The following PRDM15 variants were observed in gnomAD, a reference collection of about 807,000 sequenced individuals.
The protein encoded by PRDM15 is PR domain zinc finger protein 15.
In PRDM15, 64 loss-of-function variants were observed where a neutral mutation model predicts 128.6. The ratio of observed to expected loss-of-function variants is 0.50; its 90% confidence interval spans 0.41 to 0.61. The LOEUF is 0.61. Among genes scored for constraint, PRDM15 ranks in the 20% least tolerant of loss-of-function variants. PRDM15 has a pLI of 0.00. For missense variants in PRDM15, 1,242 were observed against 1,569.1 expected, an observed-to-expected ratio of 0.79 and a Z score of 3.52; for synonymous variants, 615 against 621.8, an observed-to-expected ratio of 0.99 and a Z score of 0.16.
At chr21:41,864,033 G>A (rs1007926957) in intron 1 of PRDM15, among the ~76,000 whole-genome samples, 2 of 152,106 alleles carry the variant, frequency 1.3e-5, no homozygotes, top group Non-Finnish European at 2.9e-5. Context: ...TAGCAGAGAC[G>A]GGGTTTCACC....
chr21:41,815,904 G>A, intron 18 of PRDM15, 68 bp from the exon 19 acceptor site: 3 of 1,591,138 alleles, frequency 1.9e-6, no homozygotes, highest in East Asian at 4.5e-5. Context: ...CCATGCCCGA[G>A]ACCCTGGGGC....
rs143393748 is a variant in PRDM15 at position 41,878,737 on chromosome 21, C to A, written c.-10+533G>T. 5 of 1,557,368 alleles carry A rather than the reference C, an allele frequency of 3.2e-6. No individual in the cohort carries two copies. The South Asian group carries it at 4.5e-5, about 14-fold the overall frequency. On this transcript the variant is annotated intron_variant, in intron 1 of 23. Coordinates refer to ENST00000398548, the MANE Select transcript of PRDM15 (RefSeq NM_001040424.3). ...AAACGCGGGGTTGGGGGTCCAGGGA[C>A]CCCCCCGTGCGACCCGCATGGGCTG...
chr21:41,804,566 T>C lies in PRDM15; in HGVS notation c.2701A>G (p.Thr901Ala). Reference sequence around the variant, plus strand: ...ATGCCAATGGAGGAGGCGTCGATGGTGGTGGTCTCCGGGAGGTGGTCCAGG... The same window carrying C: ...ATGCCAATGGAGGAGGCGTCGATGGCGGTGGTCTCCGGGAGGTGGTCCAGG... ...DDLDHLPETT[T>A]IDASSIGIVQ... The change falls in exon 22 of 24, where the codon ACC (threonine) becomes GCC (alanine). Residue 901 changes from threonine (T) to alanine (A), a missense_variant. By Grantham distance (58) the Thr-to-Ala change is moderately conservative. Coordinates refer to ENST00000398548, the MANE Select transcript of PRDM15 (RefSeq NM_001040424.3). The C allele has an allele frequency of 6.4e-7, 1 of 1,571,932 alleles. No homozygotes were observed. The highest frequency in any genetic ancestry group is 1.9e-5 in the Admixed American group (1 of 53,070).
chr21:41,839,584 G>T, intron 7 of PRDM15, 39 bp downstream of exon 7: 1 of 1,576,990 alleles, frequency 6.3e-7, no homozygotes, highest in African/African-American at 1.3e-5. Flanking sequence ...GGAGGGCTGC[G>T]CCCCACGCAG....
intron 16 of PRDM15, 127 bp from the exon 17 acceptor site, chr21:41,820,301 C>G: frequency 2.8e-6 from 2 of 710,186 alleles, no homozygotes; most frequent in East Asian, 5.4e-5. Flanking sequence ...ATAAAAGAAG[C>G]AGATATTTGA....
intron 5 of PRDM15, among the ~76,000 whole-genome samples, chr21:41,853,703 GA>G (rs1200596109): frequency 2.6e-5 from 4 of 152,196 alleles, no homozygotes; most frequent in African/African-American, 9.7e-5. Flanking sequence ...TTTTCAGCAG[GA>G]ATGCTAGATT....
At position 41,800,204 on chromosome 21, in the gene PRDM15, CA is replaced by C. The variant is rs2061383811; in HGVS notation, c.*1035del. On this transcript the variant is annotated 3_prime_UTR_variant, in exon 24 of 24. Transcript: ENST00000398548. ...CCAACCTTTGGAATTGAAGTTTAAACAGAAGGAAAATATGACTTTTCCCCCG... is the reference window on the plus strand; with the variant it reads ...CCAACCTTTGGAATTGAAGTTTAAACGAAGGAAAATATGACTTTTCCCCCG... The C allele has an allele frequency of 6.6e-6, 1 of 152,184 alleles. No homozygotes were observed. Among genetic ancestry groups the C allele is most frequent in the South Asian group, 2.1e-4 (1 of 4,836 alleles). 9.4% of individuals were successfully genotyped at this position (152,184 alleles called of 1,614,324 possible).
intron 6 of PRDM15, among the ~76,000 whole-genome samples, chr21:41,845,825 G>A (rs2063247590): frequency 6.6e-6 from 1 of 152,056 alleles, no homozygotes; most frequent in Non-Finnish European, 1.5e-5. Context: ...AAACACAAAT[G>A]AGCAGCAACG....
rs772131385 is a variant in PRDM15, at chr21:41,817,164, A to C, written c.2261-1328T>G. Among the ~76,000 whole-genome samples, 21 of 152,340 alleles carry C rather than the reference A, an allele frequency of 1.4e-4. No homozygotes were observed. The South Asian group carries it at 1.5e-3, about 11-fold the overall frequency. On this transcript the variant is annotated intron_variant, in intron 18 of 23. Transcript: ENST00000398548. ...AACTGCCAGACAGAGGAAATTTTAA[A>C]GCTTGCTCTACTGGGATTGTGAGTC... is the stretch of plus-strand genomic sequence containing the variant.
intron 21 of PRDM15, among the ~76,000 whole-genome samples, chr21:41,806,674 T>C (rs1362049228): frequency 1.8e-4 from 3 of 16,324 alleles, no homozygotes; most frequent in African/African-American, 3.1e-4. Flanking sequence ...ACCATCACCA[T>C]CACCACCACC....
chr21:41,863,847 A>ATTT (rs569051799), intron 1 of PRDM15, among the ~76,000 whole-genome samples: 1 of 145,366 alleles, frequency 6.9e-6, no homozygotes, highest in African/African-American at 2.5e-5. Flanking sequence ...TGCCCAAAGC[A>ATTT]TTTTTTTTTT....
chr21:41,874,525 A>ATATTTTTTTTTTTTT, intron 1 of PRDM15, among the ~76,000 whole-genome samples: 2 of 95,814 alleles, frequency 2.1e-5, no homozygotes, highest in Admixed American at 1.2e-4. Flanking sequence ...ATATATATAT[A>ATATTTTTTTTTTTTT]TTTTTTTTTT....
rs568043652 is a variant in PRDM15 at position 41,837,921 on chromosome 21, A to C, written c.1001+13T>G. On this transcript the variant is annotated intron_variant, in intron 8 of 23. Transcript: ENST00000398548. The stretch of plus-strand genomic sequence containing the variant: ...TGTCCACAGGACGGCCCCAGGTGCC[A>C]GGCAGGACTTACTTTGGAACCGAGC... The C allele has an allele frequency of 1.2e-6, 2 of 1,614,108 alleles. No homozygotes were observed. The highest frequency in any genetic ancestry group is 1.3e-5 in the African/African-American group (1 of 75,054).
intron 1 of PRDM15, among the ~76,000 whole-genome samples, chr21:41,872,493 A>T (rs1238706870): frequency 6.6e-6 from 1 of 152,226 alleles, no homozygotes; most frequent in East Asian, 1.9e-4. Flanking sequence ...TTCATTATCA[A>T]TAACTTTAAT....
In PRDM15 at chr21:41,839,820, C is replaced by G; in HGVS notation, c.674G>C (p.Ser225Thr). 1 of 1,614,254 alleles carries G rather than the reference C, an allele frequency of 6.2e-7. No individual in the cohort carries two copies. The highest frequency in any genetic ancestry group is 1.3e-5 in the African/African-American group (1 of 75,068). Residue 225 changes from serine (S) to threonine (T), a missense_variant, in exon 7 of 24, where the codon AGC (serine) becomes ACC (threonine). Coordinates refer to ENST00000398548, the MANE Select transcript of PRDM15 (RefSeq NM_001040424.3). ...HLLGHLEQAK[S>T]LPPGSQSEAA... Reference sequence around the variant, plus strand: ...CTCGCTTTGGCTGCCTGGAGGAAGGCTTTTGGCTTGTTCTAAGTGGCCCAA... The same window carrying G: ...CTCGCTTTGGCTGCCTGGAGGAAGGGTTTTGGCTTGTTCTAAGTGGCCCAA...
At chr21:41,849,089 G>A (rs373622208) in intron 5 of PRDM15, among the ~76,000 whole-genome samples, 4 of 152,190 alleles carry the variant, frequency 2.6e-5, no homozygotes, top group East Asian at 1.9e-4. Flanking sequence ...CTAGAGCTCC[G>A]CTATGCAAAA....
chr21:41,856,747 C>T (rs1601417322), intron 4 of PRDM15, among the ~76,000 whole-genome samples: 1 of 152,320 alleles, frequency 6.6e-6, no homozygotes, highest in African/African-American at 2.4e-5. Context: ...CACTATTGCC[C>T]AATGTCTCAT....
In PRDM15 at chr21:41,804,552, G is replaced by C. The variant is rs772968682; in HGVS notation, c.2715C>G (p.Ser905=). The change falls in exon 22 of 24, where the codon TCC becomes TCG. Residue 905 remains serine, a synonymous_variant. Transcript: ENST00000398548. ...HLPETTTIDA[S]SIGIVQPELT... ...TGCTCACCTGGACGATGCCAATGGAGGAGGCGTCGATGGTGGTGGTCTCCG... is the reference window on the plus strand; with the variant it reads ...TGCTCACCTGGACGATGCCAATGGACGAGGCGTCGATGGTGGTGGTCTCCG... 5.1e-6 allele frequency: 8 copies of C among 1,569,346 alleles called. No individual in the cohort carries two copies. In the East Asian group the frequency reaches 1.9e-4, roughly 36 times the overall value.
rs1452032651 is a variant in PRDM15, at chr21:41,828,307, A to T, written c.1393T>A (p.Cys465Ser). ...TDDKTFQCEM[C>S]FRFFSTNSNL... is the part of the protein sequence containing the mutation. ...CTGTTGGTGGAGAAGAATCTGAAAC[A>T]CATCTCACATTGGAACGTCTTGTCA... The change falls in exon 12 of 24, where the codon TGT (cysteine) becomes AGT (serine). Residue 465 changes from cysteine to serine, a missense_variant. Physicochemically the swap from Cys to Ser is moderately radical, Grantham distance 112. This residue lies in a region of PRDM15 where 612 missense variants were observed against 717.0 expected (regional missense o/e 0.85). Transcript: ENST00000398548. This position sits in a 1 kb window ranked among gnomAD's most constrained non-coding sequence, Gnocchi z 5.7. 6.2e-7 allele frequency: 1 copy of T among 1,614,014 alleles called. No individual in the cohort carries two copies. Among genetic ancestry groups the T allele is most frequent in the Admixed American group, 1.7e-5 (1 of 60,014 alleles).
Sources: allele counts gnomAD v4.1 joint callset (sites outside exome capture counted in the v4.1 genomes callset), GRCh38; gene constraint gnomAD v4.1.1; regional missense constraint gnomAD v4.1.1; non-coding constraint Gnocchi (gnomAD v3.1); transcripts MANE v1.5; gene names NCBI Gene and HGNC (gene_info 2026-07-23, HGNC 2026-07-21).